MAGI2: variants seen among roughly 807,000 people sequenced by gnomAD.
MAGI2 encodes the protein membrane associated guanylate kinase, WW and PDZ domain containing 2.
A neutral mutation model predicts 133.3 loss-of-function variants in MAGI2; 35 were observed. The observed-to-expected ratio is 0.26, with a 90% confidence interval of 0.20 to 0.35. The LOEUF is 0.35. Among genes scored for constraint, MAGI2 ranks in the 10% least tolerant of loss-of-function variants. MAGI2 has a pLI of 1.00. For synonymous variants in MAGI2, 729 were observed against 710.6 expected (o/e 1.03, Z -0.41); for missense variants, 1,636 against 1,863.4 (o/e 0.88, Z 2.25).
At chr7:78,991,385 T>G (rs1471156041) in intron 2 of MAGI2, among the ~76,000 whole-genome samples, 1 of 151,736 alleles carries the variant, frequency 6.6e-6, no homozygotes, top group Non-Finnish European at 1.5e-5. Flanking sequence ...AATATATAGT[T>G]GTCTACATCT....
intron 10 of MAGI2, among the ~76,000 whole-genome samples, chr7:78,216,728 G>A (rs1188390053): frequency 6.6e-6 from 1 of 152,170 alleles, no homozygotes; most frequent in Non-Finnish European, 1.5e-5. Flanking sequence ...AAACCCGATA[G>A]AGGCTCTCAT....
chr7:78,852,636 A>G (rs554009834), intron 2 of MAGI2, among the ~76,000 whole-genome samples: 1 of 152,156 alleles, frequency 6.6e-6, no homozygotes, highest in Non-Finnish European at 1.5e-5. Context: ...TTAACACAAC[A>G]CTAATCTACA....
At chr7:78,392,009 C>G (rs775893832) in intron 6 of MAGI2, among the ~76,000 whole-genome samples, 10 of 152,180 alleles carry the variant, frequency 6.6e-5, no homozygotes, top group Non-Finnish European at 1.2e-4. Context: ...CTGAAACTGG[C>G]CAGACATCGG....
At chr7:79,293,229 A>G (rs528774739) in intron 1 of MAGI2, among the ~76,000 whole-genome samples, 7 of 152,112 alleles carry the variant, frequency 4.6e-5, no homozygotes, top group Admixed American at 6.5e-5. Flanking sequence ...TTCACTTCTT[A>G]GTTATGATCT....
At chr7:79,174,199 C>A (rs964570510) in intron 1 of MAGI2, among the ~76,000 whole-genome samples, 1 of 151,862 alleles carries the variant, frequency 6.6e-6, no homozygotes, top group African/African-American at 2.4e-5. Context: ...AGTTTGAATA[C>A]CTCTCCAATA....
chr7:78,569,176 A>G (rs1482962694), intron 3 of MAGI2, among the ~76,000 whole-genome samples: 1 of 152,078 alleles, frequency 6.6e-6, no homozygotes, highest in Non-Finnish European at 1.5e-5. Flanking sequence ...TATTTTCTTA[A>G]GAGCCCTTAT....
chr7:79,077,574 C>CAAAAAAAAAAAAAAAAAAAA (rs769770373), intron 1 of MAGI2, among the ~76,000 whole-genome samples: 1 of 23,792 alleles, frequency 4.2e-5, no homozygotes, highest in East Asian at 6.2e-4. Context: ...GACTGCCTCT[C>CAAAAAAAAAAAAAAAAAAAA]AAAAAAAAAA....
intron 1 of MAGI2, among the ~76,000 whole-genome samples, chr7:79,255,884 T>C (rs918481458): frequency 2.6e-5 from 4 of 152,214 alleles, no homozygotes. Flanking sequence ...AATTAAGGAT[T>C]TGGATGTTTT....
chr7:78,912,473 T>C (rs1328913916), intron 2 of MAGI2, among the ~76,000 whole-genome samples: 1 of 151,984 alleles, frequency 6.6e-6, no homozygotes, highest in Non-Finnish European at 1.5e-5. Flanking sequence ...GACCCACCCT[T>C]AATCTGGGTG....
chr7:78,808,297 C>T (rs1788752405), intron 2 of MAGI2, among the ~76,000 whole-genome samples: 1 of 152,076 alleles, frequency 6.6e-6, no homozygotes, highest in Non-Finnish European at 1.5e-5. Flanking sequence ...CGCTCTGTCA[C>T]CCAGGCTGGA....
At chr7:79,069,619 T>G (rs893596571) in intron 1 of MAGI2, among the ~76,000 whole-genome samples, 1 of 152,224 alleles carries the variant, frequency 6.6e-6, no homozygotes, top group Non-Finnish European at 1.5e-5. Flanking sequence ...CATTTGATAT[T>G]GTTATGTGTG....
chr7:78,432,832 A>C (rs1584088804), intron 6 of MAGI2, among the ~76,000 whole-genome samples: 2 of 152,218 alleles, frequency 1.3e-5, no homozygotes, highest in Middle Eastern at 6.8e-3. Context: ...CTTAATATGC[A>C]TATATAAAGC....
chr7:79,347,710 CTGTT>C lies in MAGI2; in HGVS notation c.301+105306_301+105309del, dbSNP rs142493564. 8.2e-3 allele frequency among the ~76,000 whole-genome samples: 1,248 copies of C among 151,994 alleles called. 10 individuals are homozygous for C. Among genetic ancestry groups the C allele is most frequent in the African/African-American group, 0.029 (1,187 of 41,512 alleles). On this transcript the variant is annotated intron_variant, in intron 1 of 21. Transcript: ENST00000354212. ...TAAGAAGATTCCTTACAGATATACT[CTGTT>C]TGTCTTTTTGGTAGACTTCAGCTGA...
rs565528017 is a variant in MAGI2 at position 78,276,238 on chromosome 7, A to T, written c.1409-19657T>A. On this transcript the variant is annotated intron_variant, in intron 9 of 21. Coordinates refer to ENST00000354212, the MANE Select transcript of MAGI2 (RefSeq NM_012301.4). ...GAGTCAAGATATTGGAAAAAATATTAATTAAAATTTAGACTTAGCTCTGAA... is the reference window on the plus strand; with the variant it reads ...GAGTCAAGATATTGGAAAAAATATTTATTAAAATTTAGACTTAGCTCTGAA... Among the ~76,000 whole-genome samples, 3 of 152,328 alleles carry T rather than the reference A, an allele frequency of 2.0e-5. No individual in the cohort carries two copies. In the East Asian group the frequency reaches 5.8e-4, roughly 29 times the overall value.
intron 20 of MAGI2, among the ~76,000 whole-genome samples, chr7:78,109,399 A>G (rs531793225): frequency 0.011 from 1,629 of 146,304 alleles, 34 homozygotes; most frequent in African/African-American, 0.038. Flanking sequence ...TTGGGAGGCC[A>G]AGGTGGGTGC....
intron 1 of MAGI2, among the ~76,000 whole-genome samples, chr7:79,331,221 C>T (rs958036998): frequency 6.6e-6 from 1 of 152,082 alleles, no homozygotes. Context: ...GCTTTGTGGT[C>T]CAGCTAAAGT....
At chr7:78,560,557 T>C (rs1223990715) in intron 3 of MAGI2, among the ~76,000 whole-genome samples, 3 of 152,224 alleles carry the variant, frequency 2.0e-5, no homozygotes, top group African/African-American at 7.2e-5. Context: ...TTTTTTAAAA[T>C]TATGTTTAAA....
chr7:78,345,864 C>T (rs1790851676), intron 8 of MAGI2, 58 bp downstream of exon 8: 2 of 1,599,756 alleles, frequency 1.3e-6, no homozygotes, highest in Admixed American at 3.5e-5. Context: ...TTTGGAAGAG[C>T]AGGCAGTTTG....
chr7:78,844,436 A>G (rs1385151055), intron 2 of MAGI2, among the ~76,000 whole-genome samples: 1 of 151,934 alleles, frequency 6.6e-6, no homozygotes, highest in Non-Finnish European at 1.5e-5. Context: ...GGATACACAA[A>G]TGGGGAATAT....
Sources: allele counts gnomAD v4.1 joint callset (sites outside exome capture counted in the v4.1 genomes callset), GRCh38; gene constraint gnomAD v4.1.1; transcripts MANE v1.5; gene names NCBI Gene and HGNC (gene_info 2026-07-23, HGNC 2026-07-21).